The following CDH12 variants were observed in gnomAD, a reference collection of about 807,000 sequenced individuals.
CDH12 encodes the protein cadherin 12.
CDH12 carries 41 observed loss-of-function variants against 74.1 expected under a neutral mutation model. That is an observed-to-expected ratio of 0.55 (90% CI 0.43 to 0.72). The LOEUF (loss-of-function observed/expected upper bound fraction) is 0.72. Ranked by LOEUF, CDH12 falls within the 30% of genes least tolerant of loss-of-function variation. The probability of loss-of-function intolerance (pLI) is 0.00; values close to 1 mark genes in which losing one functional copy is unlikely to be tolerated. For missense variants in CDH12, 945 were observed against 977.2 expected, an observed-to-expected ratio of 0.97 and a Z score of 0.44; for synonymous variants, 399 against 355.0, an observed-to-expected ratio of 1.12 and a Z score of -1.39.
intron 2 of CDH12, among the ~76,000 whole-genome samples, chr5:22,487,408 T>C (rs1187873995): frequency 6.6e-6 from 1 of 152,152 alleles, no homozygotes; most frequent in Admixed American, 6.6e-5. Context: ...TATCGCATAA[T>C]CACATAATTT....
In CDH12 at chr5:22,244,740, AAAAGAAAGAAAGAAAGAAAGAAAGAAAG is replaced by A. The variant is rs200900772; in HGVS notation, c.-332-32125_-332-32098del. Among the ~76,000 whole-genome samples the A allele has an allele frequency of 5.0e-3, 460 of 92,628 alleles. 6 individuals are homozygous for A. The highest frequency in any genetic ancestry group is 0.015 in the African/African-American group (427 of 29,292). The allele number at this position is 92,628 out of a possible 152,430, so 60.8% of individuals were successfully genotyped here. A position where few individuals can be genotyped will look rare whatever the true frequency, so the allele number is the denominator to read the frequency against. ...GAGAGAGAAAGAAAAAGAAAGAAAG[AAAAGAAAGAAAGAAAGAAAGAAAGAAAG>A]AAAGAAAGAAAGAAAGAAAGAAAGA... On this transcript the variant is annotated intron_variant, in intron 3 of 14. Coordinates refer to ENST00000382254, the MANE Select transcript of CDH12 (RefSeq NM_004061.5).
At chr5:22,237,479 C>G (rs1183523629) in intron 3 of CDH12, among the ~76,000 whole-genome samples, 2 of 152,034 alleles carry the variant, frequency 1.3e-5, no homozygotes, top group Non-Finnish European at 2.9e-5. Flanking sequence ...TGTGATGTGT[C>G]CTTATTACAA....
intron 5 of CDH12, among the ~76,000 whole-genome samples, chr5:22,064,869 C>A (rs1280448749): frequency 1.3e-5 from 2 of 152,096 alleles, no homozygotes; most frequent in African/African-American, 4.8e-5. Context: ...TGGGAAAAAA[C>A]CCTAGACTTT....
chr5:21,945,059 C>T (rs1189060353), intron 6 of CDH12, among the ~76,000 whole-genome samples: 2 of 151,618 alleles, frequency 1.3e-5, no homozygotes, highest in Non-Finnish European at 2.9e-5. Flanking sequence ...ATAAAAATCA[C>T]TTATAAAACA....
intron 8 of CDH12, among the ~76,000 whole-genome samples, chr5:21,818,275 G>A (rs1396826073): frequency 2.0e-5 from 3 of 151,848 alleles, no homozygotes; most frequent in Non-Finnish European, 4.4e-5. Context: ...TTACACATTT[G>A]TGGAAAATAA....
chr5:22,485,994 T>G (rs183624833), intron 2 of CDH12, among the ~76,000 whole-genome samples: 1 of 152,308 alleles, frequency 6.6e-6, no homozygotes, highest in African/African-American at 2.4e-5. Context: ...GGGACCTTTT[T>G]CAAAGTGACT....
chr5:22,559,803 T>C (rs10036070), intron 1 of CDH12, among the ~76,000 whole-genome samples: 22,513 of 152,166 alleles, frequency 0.15, 2,292 homozygotes, highest in East Asian at 0.36. Context: ...TTAAGTGTTA[T>C]TTGCCTTAAA....
intron 1 of CDH12, among the ~76,000 whole-genome samples, chr5:22,599,022 C>A (rs894325656): frequency 6.6e-6 from 1 of 152,164 alleles, no homozygotes; most frequent in African/African-American, 2.4e-5. Flanking sequence ...GCCTTATTAG[C>A]TCTCACTTGT....
intron 6 of CDH12, among the ~76,000 whole-genome samples, chr5:21,913,577 T>C (rs552173580): frequency 6.6e-6 from 1 of 152,258 alleles, no homozygotes; most frequent in East Asian, 1.9e-4. Context: ...ATTTTATAAA[T>C]TAATTTATTT....
chr5:22,405,030 C>G (rs572116046), intron 3 of CDH12, among the ~76,000 whole-genome samples: 1 of 151,998 alleles, frequency 6.6e-6, no homozygotes, highest in South Asian at 2.1e-4. Context: ...GCCAACATGG[C>G]AGAACCCCAT....
At chr5:22,185,200 T>TG (rs373424464) in intron 4 of CDH12, among the ~76,000 whole-genome samples, 1 of 52,626 alleles carries the variant, frequency 1.9e-5, no homozygotes, top group Non-Finnish European at 4.0e-5. Flanking sequence ...TCTCTCTCTC[T>TG]TTTTTTTTTT....
intron 5 of CDH12, among the ~76,000 whole-genome samples, chr5:22,016,509 C>T (rs138147711): frequency 0.018 from 2,732 of 152,008 alleles, 52 homozygotes; most frequent in African/African-American, 0.04. Flanking sequence ...GATTCTCCTG[C>T]CTCAGCCTCC....
intron 1 of CDH12, among the ~76,000 whole-genome samples, chr5:22,654,853 A>T (rs1739950990): frequency 6.7e-6 from 1 of 149,886 alleles, no homozygotes; most frequent in African/African-American, 2.5e-5. Flanking sequence ...CTGGTCTCGA[A>T]CTCCCGACCT....
intron 1 of CDH12, among the ~76,000 whole-genome samples, chr5:22,741,024 T>G (rs1745000784): frequency 6.6e-6 from 1 of 152,126 alleles, no homozygotes. Flanking sequence ...TCGCACAGTG[T>G]GACACCAAAG....
intron 3 of CDH12, among the ~76,000 whole-genome samples, chr5:22,287,960 A>T (rs890570982): frequency 6.6e-6 from 1 of 152,182 alleles, no homozygotes; most frequent in Non-Finnish European, 1.5e-5. Context: ...TTTAGCACAC[A>T]TTTGAATTGT....
rs1159083381 is a variant in CDH12, at chr5:22,005,777, A to T, written c.232-30392T>A. ...CCACTATTAGATACTTTTTGAATTA[A>T]TGAATTTATAATCAGTCCTTCAATT... On this transcript the variant is annotated intron_variant, in intron 5 of 14. Coordinates refer to ENST00000382254, the MANE Select transcript of CDH12 (RefSeq NM_004061.5). 4.6e-5 allele frequency among the ~76,000 whole-genome samples: 7 copies of T among 152,260 alleles called. No homozygotes were observed. The South Asian group carries it at 6.2e-4, about 14-fold the overall frequency.
chr5:22,148,423 A>G (rs1263692862), intron 4 of CDH12, among the ~76,000 whole-genome samples: 1 of 151,784 alleles, frequency 6.6e-6, no homozygotes, highest in Non-Finnish European at 1.5e-5. Context: ...TGGCCAATGA[A>G]GATTTTGAGA....
At chr5:21,905,262 A>C (rs934877218) in intron 6 of CDH12, among the ~76,000 whole-genome samples, 5 of 152,244 alleles carry the variant, frequency 3.3e-5, no homozygotes, top group African/African-American at 1.2e-4. Flanking sequence ...CTCAAACTAT[A>C]AAACACAGAA....
chr5:22,126,689 T>G (rs574379636), intron 4 of CDH12, among the ~76,000 whole-genome samples: 1 of 152,354 alleles, frequency 6.6e-6, no homozygotes, highest in South Asian at 2.1e-4. Context: ...AGCAGGCAAT[T>G]ACTCTATCAG....
Sources: gnomAD v4.1 joint callset for allele counts (sites outside exome capture counted in the v4.1 genomes callset) on GRCh38, gnomAD v4.1.1 for gene constraint, MANE v1.5 for transcripts, NCBI Gene and HGNC (gene_info 2026-07-23, HGNC 2026-07-21) for gene names.